The following PCBP3 variants were observed in gnomAD, a reference collection of about 807,000 sequenced individuals.
The protein encoded by PCBP3 is poly(rC)-binding protein 3.
A neutral mutation model predicts 52.7 loss-of-function variants in PCBP3; 25 were observed. The ratio of observed to expected loss-of-function variants is 0.47; its 90% CI spans 0.35 to 0.66. The LOEUF is 0.66. Ranked by LOEUF, PCBP3 falls within the 30% of genes least tolerant of loss-of-function variation. The pLI, the probability that PCBP3 is intolerant of heterozygous loss-of-function variation, is 0.01. For synonymous variants in PCBP3, 162 were observed against 183.0 expected, an observed-to-expected ratio of 0.89 and a Z score of 0.93; for missense variants, 391 against 490.3, an observed-to-expected ratio of 0.80 and a Z score of 1.91.
At position 45,928,451 on chromosome 21, in the gene PCBP3, C is replaced by T. The variant is rs1220904602; in HGVS notation, c.718-1466C>T. ...GAGGAAGGAAGGGCCTTTATCTTGA[C>T]TCTGGGTGAACTCTTAGGGGAGGGC... is the stretch of plus-strand genomic sequence containing the variant. On this transcript the variant is annotated intron_variant, in intron 13 of 17. Coordinates refer to ENST00000681687, the MANE Select transcript of PCBP3 (RefSeq NM_001384156.1). This position sits in a 1 kb window ranked among gnomAD's most constrained non-coding sequence, Gnocchi z 4.1. Among the ~76,000 whole-genome samples the T allele has an allele frequency of 1.3e-5, 2 of 152,186 alleles. No individual in the cohort carries two copies. Among genetic ancestry groups the T allele is most frequent in the Non-Finnish European group, 2.9e-5 (2 of 68,016 alleles).
In PCBP3 at chr21:45,930,849, A is replaced by G; in HGVS notation, c.856+4A>G. 6.2e-7 allele frequency: 1 copy of G among 1,612,512 alleles called. No homozygotes were observed. The highest frequency in any genetic ancestry group is 8.5e-7 in the Non-Finnish European group (1 of 1,179,242). Reference sequence around the variant, plus strand: ...AATCTGATGGGCCAGTCATCAGGTAACACAAAGCCACACTGACAGGAGAAC... The same window carrying G: ...AATCTGATGGGCCAGTCATCAGGTAGCACAAAGCCACACTGACAGGAGAAC... On this transcript the variant is annotated splice_donor_region_variant and intron_variant, in intron 15 of 17. Transcript: ENST00000681687.
intron 5 of PCBP3, chr21:45,873,320 G>T (rs12627257): frequency 0.3 from 45,420 of 152,096 alleles, 8,244 homozygotes; most frequent in East Asian, 0.65. Flanking sequence ...GGAACCCCTT[G>T]TCATTAAACA....
chr21:45,711,237 T>G (rs188805591), intron 2 of PCBP3, among the ~76,000 whole-genome samples: 39 of 152,360 alleles, frequency 2.6e-4, no homozygotes, highest in African/African-American at 7.9e-4. Flanking sequence ...GAGATATATG[T>G]TTGTATACTA....
chr21:45,673,105 T>C (rs576771296), intron 2 of PCBP3, among the ~76,000 whole-genome samples: 1 of 152,360 alleles, frequency 6.6e-6, no homozygotes, highest in East Asian at 1.9e-4. Context: ...CAGTTTTTAT[T>C]ATGGTGTCAC....
chr21:45,940,737 A>AC (rs2077363499), intron 17 of PCBP3, among the ~76,000 whole-genome samples: 1 of 108,004 alleles, frequency 9.3e-6, no homozygotes, highest in Non-Finnish European at 1.9e-5. Context: ...CGCCAAGCAC[A>AC]CCATACCACC....
intron 3 of PCBP3, among the ~76,000 whole-genome samples, chr21:45,738,113 A>G (rs1266701715): frequency 1.3e-5 from 2 of 152,116 alleles, no homozygotes; most frequent in African/African-American, 2.4e-5. Flanking sequence ...GCCAGAGCCC[A>G]CTCCTAGCCC....
At chr21:45,650,499 AGAGTGTAGTGGTGCTAT>A (rs767192777) in intron 1 of PCBP3, among the ~76,000 whole-genome samples, 31 of 152,176 alleles carry the variant, frequency 2.0e-4, no homozygotes, top group Non-Finnish European at 4.3e-4. Context: ...CACCCAGGCT[AGAGTGTAGTGGTGCTAT>A]CATATCCTAC....
intron 9 of PCBP3, among the ~76,000 whole-genome samples, chr21:45,901,758 G>A (rs989010638): frequency 2.1e-5 from 3 of 144,470 alleles, no homozygotes; most frequent in African/African-American, 7.8e-5. Flanking sequence ...GAGAGAGACA[G>A]AGACAGAGAG....
In PCBP3 at chr21:45,940,177, G is replaced by A; in HGVS notation, c.1057G>A (p.Ala353Thr). Residue 353 changes from alanine (A) to threonine (T), a missense_variant, in exon 17 of 18, where the codon GCC becomes ACC. Physicochemically the swap from Ala to Thr is moderately conservative, Grantham distance 58. Transcript: ENST00000681687. ...GGGGACCCCGGCCAACATCAGCCTT[G>A]CCCAGTATCTCATCAACGCCAGGTG... ...ITGTPANISLAQYLINARLTS... is the reference protein window; with the variant it reads ...ITGTPANISLTQYLINARLTS... 6.2e-7 allele frequency: 1 copy of A among 1,613,706 alleles called. No homozygotes were observed. The highest frequency in any genetic ancestry group is 8.5e-7 in the Non-Finnish European group (1 of 1,179,728).
At chr21:45,937,946 A>G (rs2077054787) in intron 16 of PCBP3, among the ~76,000 whole-genome samples, 1 of 152,276 alleles carries the variant, frequency 6.6e-6, no homozygotes. Flanking sequence ...CAGACCCCAC[A>G]GCTGTGTGCA....
At chr21:45,756,434 C>A (rs933990158) in intron 4 of PCBP3, among the ~76,000 whole-genome samples, 5 of 152,056 alleles carry the variant, frequency 3.3e-5, no homozygotes, top group African/African-American at 7.2e-5. Context: ...TTCTAAAATA[C>A]AAATTTTAGA....
intron 2 of PCBP3, among the ~76,000 whole-genome samples, chr21:45,733,754 C>T (rs1457530719): frequency 6.6e-6 from 1 of 152,076 alleles, no homozygotes; most frequent in Non-Finnish European, 1.5e-5. Context: ...GTGCCCACCA[C>T]CACGCCTGGT....
chr21:45,738,978 ATCT>A (rs2086127390), intron 3 of PCBP3, among the ~76,000 whole-genome samples: 1 of 18,274 alleles, frequency 5.5e-5, no homozygotes, highest in Non-Finnish European at 1.0e-4. Flanking sequence ...TAGCCCCCCC[ATCT>A]TCAGCCCACC....
chr21:45,654,751 T>C (rs1406199042), intron 1 of PCBP3, among the ~76,000 whole-genome samples: 1 of 152,220 alleles, frequency 6.6e-6, no homozygotes, highest in Non-Finnish European at 1.5e-5. Context: ...AATTCACCCT[T>C]TTAAAGTTTA....
At chr21:45,863,428 C>T in intron 5 of PCBP3, among the ~76,000 whole-genome samples, 1 of 152,226 alleles carries the variant, frequency 6.6e-6, no homozygotes, top group Non-Finnish European at 1.5e-5. Flanking sequence ...GGCTTAGCTG[C>T]TGCGGCCGTG....
chr21:45,751,414 C>T (rs2087487537), intron 3 of PCBP3: 1 of 152,076 alleles, frequency 6.6e-6, no homozygotes, highest in South Asian at 2.1e-4. Flanking sequence ...TTCACAGTGC[C>T]GTGCCACCAT....
intron 2 of PCBP3, among the ~76,000 whole-genome samples, chr21:45,710,279 A>G (rs1187220274): frequency 6.6e-6 from 1 of 152,204 alleles, no homozygotes; most frequent in African/African-American, 2.4e-5. Context: ...CATTAGGTAT[A>G]TATCTCCTAA....
chr21:45,709,748 A>G (rs1273895880), intron 2 of PCBP3, among the ~76,000 whole-genome samples: 6 of 152,202 alleles, frequency 3.9e-5, no homozygotes, highest in Non-Finnish European at 8.8e-5. Flanking sequence ...TAAAGTCCAT[A>G]CTTCAGATTT....
At chr21:45,753,170 C>T (rs1453801349) in intron 3 of PCBP3, among the ~76,000 whole-genome samples, 3 of 139,174 alleles carry the variant, frequency 2.2e-5, no homozygotes, top group Admixed American at 7.2e-5. Context: ...GTTTCTCCAA[C>T]TGATACATCA....
Sources: gnomAD v4.1 joint callset for allele counts (sites outside exome capture counted in the v4.1 genomes callset) on GRCh38, gnomAD v4.1.1 for gene constraint, Gnocchi (gnomAD v3.1) non-coding constraint, MANE v1.5 for transcripts, NCBI Gene and HGNC (gene_info 2026-07-23, HGNC 2026-07-21) for gene names.